Variants in KASH5 observed in about 807,000 individuals in gnomAD.
KASH5 encodes the protein protein KASH5.
In KASH5, 72 loss-of-function variants were observed where a neutral mutation model predicts 84.2. The observed-to-expected ratio is 0.85, with a 90% CI of 0.71 to 1.04. The LOEUF (loss-of-function observed/expected upper bound fraction) is 1.04, where lower values mean the gene tolerates loss of function less well. KASH5 is among the 50% of genes least tolerant of loss of function. The pLI, the probability that KASH5 is intolerant of heterozygous loss-of-function variation, is 0.00. For missense variants in KASH5, 650 were observed against 701.0 expected (o/e 0.93, Z 0.82); for synonymous variants, 260 against 279.1 (o/e 0.93, Z 0.68).
Position 49,395,657 on chromosome 19 carries a change from C to T in KASH5, c.336-112C>T. The T allele has an allele frequency of 1.9e-6, 2 of 1,073,532 alleles. No individual in the cohort carries two copies. The highest frequency in any genetic ancestry group is 2.7e-6 in the Non-Finnish European group (2 of 728,216). 66.5% of individuals were successfully genotyped at this position (1,073,532 alleles called of 1,614,324 possible). On this transcript the variant is annotated intron_variant, in intron 4 of 19. Coordinates refer to ENST00000447857, the MANE Select transcript of KASH5 (RefSeq NM_144688.5). The surrounding 1 kb of genome is among the most constrained non-coding windows in gnomAD (Gnocchi z 4.4). ...GCCTCACCCTCCTACCCTGTGGTGC[C>T]AGCTCTCACCTGACCCGGTCCCCTC...
rs1167512899 is a variant in KASH5 at position 49,398,022 on chromosome 19, G to C, written c.508G>C (p.Glu170Gln). The C allele has an allele frequency of 6.2e-7, 1 of 1,613,820 alleles. No individual in the cohort carries two copies. ...ADLLSSLEDLELSNRRLVGEN... is the reference protein window; with the variant it reads ...ADLLSSLEDLQLSNRRLVGEN... The stretch of plus-strand genomic sequence containing the variant: ...CCTGCTGAGCAGCCTGGAGGACCTG[G>C]AGCTCAGCAACCGACGTCTGGTTGG... Residue 170 changes from glutamate (E) to glutamine (Q), a missense_variant, in exon 7 of 20, where the codon GAG becomes CAG. By Grantham distance (29) the Glu-to-Gln change is conservative. Transcript: ENST00000447857.
In KASH5 at chr19:49,410,927, T is replaced by G. The variant is rs556855956; in HGVS notation, c.1269+1052T>G. The stretch of plus-strand genomic sequence containing the variant: ...CATGAGCCACTGCACCTGGCTTTTT[T>G]TTTTTTAATTAATTAATTTATTTTG... On this transcript the variant is annotated intron_variant, in intron 15 of 19. Coordinates refer to ENST00000447857, the MANE Select transcript of KASH5 (RefSeq NM_144688.5). 6.0e-5 allele frequency among the ~76,000 whole-genome samples: 9 copies of G among 150,118 alleles called. No individual in the cohort carries two copies. In the South Asian group the frequency reaches 1.1e-3, roughly 18 times the overall value.
In KASH5 at chr19:49,409,016, A is replaced by G; in HGVS notation, c.1043A>G (p.Tyr348Cys). ...CTGGAGGAGCAGCTGAGTCAGACCTATGAGGGGCCCGATGAGTGAGTGGAA... is the reference window on the plus strand; with the variant it reads ...CTGGAGGAGCAGCTGAGTCAGACCTGTGAGGGGCCCGATGAGTGAGTGGAA... The part of the protein sequence containing the change: ...SRLEEQLSQT[Y>C]EGPDELPEGA... The change falls in exon 13 of 20, where the codon TAT becomes TGT. Residue 348 changes from tyrosine to cysteine, a missense_variant. Transcript: ENST00000447857. 1 of 1,593,270 alleles carries G rather than the reference A, an allele frequency of 6.3e-7. No individual in the cohort carries two copies. Among genetic ancestry groups the G allele is most frequent in the Non-Finnish European group, 8.5e-7 (1 of 1,170,068 alleles).
chr19:49,409,089 C>T (rs1974627338), intron 13 of KASH5, 58 bp downstream of exon 13: 18 of 1,579,360 alleles, frequency 1.1e-5, no homozygotes, highest in Middle Eastern at 3.5e-4. Flanking sequence ...GGCAGGGACA[C>T]CCTGGCCTCC....
chr19:49,412,986 C>T lies in KASH5; in HGVS notation c.1288C>T (p.Pro430Ser), dbSNP rs1267116137. The change falls in exon 16 of 20, where the codon CCA becomes TCA. Residue 430 changes from proline (P) to serine (S), a missense_variant. Pro to Ser is a moderately conservative substitution (Grantham distance 74). Transcript: ENST00000447857. The surrounding 1 kb of genome is among the most constrained non-coding windows in gnomAD (Gnocchi z 4.6). ...TCCACAGAGAAACTTCCAGGGAGAG[C>T]CAGCGCACCCTGAAGAAGGAAGGAA... ...AGGQRNFQGE[P>S]AHPEEGRKEP... The T allele has an allele frequency of 1.2e-6, 2 of 1,613,548 alleles. No individual in the cohort carries two copies. The highest frequency in any genetic ancestry group is 1.1e-5 in the South Asian group (1 of 91,072).
intron 9 of KASH5, among the ~76,000 whole-genome samples, chr19:49,400,220 CCT>C (rs1260489380): frequency 4.1e-5 from 5 of 120,596 alleles, no homozygotes; most frequent in African/African-American, 1.6e-4. Context: ...AGAGCGAGAG[CCT>C]CTCAAAAAAA....
intron 2 of KASH5, among the ~76,000 whole-genome samples, chr19:49,394,173 A>G (rs888016863): frequency 6.6e-6 from 1 of 152,026 alleles, no homozygotes; most frequent in Non-Finnish European, 1.5e-5. Flanking sequence ...CCAGCCTGGG[A>G]GGCTGGAGAG....
chr19:49,417,601 C>G lies in KASH5; in HGVS notation c.*91C>G. On this transcript the variant is annotated 3_prime_UTR_variant, in exon 20 of 20. Transcript: ENST00000447857. This position sits in a 1 kb window ranked among gnomAD's most constrained non-coding sequence, Gnocchi z 5.2. ...GATCCCCATTGTTAGTCCACTGTTG[C>G]GCAGGCTTACCCTAGATAGAGTACA... is the stretch of plus-strand genomic sequence containing the variant. The G allele has an allele frequency of 1.4e-6, 2 of 1,417,446 alleles. No individual in the cohort carries two copies. Among genetic ancestry groups the G allele is most frequent in the South Asian group, 1.5e-5 (1 of 67,002 alleles). 87.8% of individuals were successfully genotyped at this position (1,417,446 alleles called of 1,614,324 possible). A position where few individuals can be genotyped will look rare whatever the true frequency, so the allele number is the denominator to read the frequency against.
rs757298524 is a variant in KASH5 at position 49,399,003 on chromosome 19, A to G, written c.630-22A>G. 1.9e-6 allele frequency: 3 copies of G among 1,538,668 alleles called. No homozygotes were observed. The highest frequency in any genetic ancestry group is 2.6e-6 in the Non-Finnish European group (3 of 1,135,840). On this transcript the variant is annotated intron_variant, in intron 7 of 19. Coordinates refer to ENST00000447857, the MANE Select transcript of KASH5 (RefSeq NM_144688.5). The surrounding 1 kb of genome is among the most constrained non-coding windows in gnomAD (Gnocchi z 4.4). ...TGCCTTCCTCCCTCTCGTATGGCTC[A>G]TCTGCCCCCACCCGCATTCAGCACC...
At chr19:49,405,388 C>T (rs1047538578) in intron 9 of KASH5, among the ~76,000 whole-genome samples, 1 of 146,774 alleles carries the variant, frequency 6.8e-6, no homozygotes, top group Non-Finnish European at 1.5e-5. Context: ...ACCTGGAAGG[C>T]GGAGGTTGCA....
rs369003961 is a variant in KASH5 at position 49,406,903 on chromosome 19, C to T, written c.816C>T (p.Ala272=). 3.6e-5 allele frequency: 58 copies of T among 1,606,402 alleles called. No individual in the cohort carries two copies. The African/African-American group carries it at 4.5e-4, about 13-fold the overall frequency. Residue 272 remains alanine (A), a synonymous_variant, in exon 10 of 20, where the codon GCC becomes GCT. Transcript: ENST00000447857. ...TCTTCTAGAACGGGAAGCTGCTTGC[C>T]GAGCGGGATGGAGTGAAAAAGAGAA... is the stretch of plus-strand genomic sequence containing the variant. ...TLQEENGKLL[A]ERDGVKKRSQ...
At chr19:49,400,225 C>CCAAA (rs1974317784) in intron 9 of KASH5, among the ~76,000 whole-genome samples, 1 of 81,284 alleles carries the variant, frequency 1.2e-5, no homozygotes, top group East Asian at 3.4e-4. Flanking sequence ...GAGAGCCTCT[C>CCAAA]AAAAAAAAAA....
chr19:49,410,051 C>G (rs1214390674), intron 15 of KASH5, among the ~76,000 whole-genome samples, 176 bp downstream of exon 15: 1 of 152,216 alleles, frequency 6.6e-6, no homozygotes, highest in East Asian at 1.9e-4. Flanking sequence ...CAGACACCAC[C>G]CCTACCCCAG....
At chr19:49,411,906 GGGAGGGAAGGAGGGAAGGAA>G (rs1974721732) in intron 15 of KASH5, among the ~76,000 whole-genome samples, 1 of 135,768 alleles carries the variant, frequency 7.4e-6, no homozygotes, top group Non-Finnish European at 1.6e-5. Flanking sequence ...GAAGGAGGGA[GGGAGGGAAGGAGGGAAGGAA>G]GGAAGGAAGG....
intron 11 of KASH5, 60 bp downstream of exon 11, chr19:49,407,356 C>A: frequency 6.4e-7 from 1 of 1,565,942 alleles, no homozygotes; most frequent in Non-Finnish European, 8.8e-7. Context: ...ACTTCCTGCC[C>A]CTGGTCTAGA....
rs1323428312 is a variant in KASH5 at position 49,395,033 on chromosome 19, C to T, written c.149-73C>T. ...CCAGCCTAGCCAGTGACATCCTGGT[C>T]CCAAGCTGCTGCCAGTCCATACCCA... On this transcript the variant is annotated intron_variant, in intron 3 of 19. Transcript: ENST00000447857. This position sits in a 1 kb window ranked among gnomAD's most constrained non-coding sequence, Gnocchi z 4.4. 2.4e-6 allele frequency: 3 copies of T among 1,233,338 alleles called. No homozygotes were observed. In the Admixed American group the frequency reaches 8.0e-5, roughly 33 times the overall value. The allele number at this position is 1,233,338 out of a possible 1,614,324, so 76.4% of individuals were successfully genotyped here.
At chr19:49,409,376 A>T in intron 14 of KASH5, 93 bp downstream of exon 14, 3 of 1,312,808 alleles carry the variant, frequency 2.3e-6, no homozygotes, top group Non-Finnish European at 3.2e-6. Context: ...CCTAGCCCTA[A>T]CCCACATTGC....
Position 49,397,569 on chromosome 19 carries a change from G to A in KASH5, c.401-82G>A, listed in dbSNP as rs1377550050. ...AGCACAGGTGAGGGTGGAGGCAGATGGAGTCCAACCTCAGAGCCCTGGGGC... is the reference window on the plus strand; with the variant it reads ...AGCACAGGTGAGGGTGGAGGCAGATAGAGTCCAACCTCAGAGCCCTGGGGC... On this transcript the variant is annotated intron_variant, in intron 5 of 19. Coordinates refer to ENST00000447857, the MANE Select transcript of KASH5 (RefSeq NM_144688.5). 3 of 1,246,706 alleles carry A rather than the reference G, an allele frequency of 2.4e-6. No homozygotes were observed. In the African/African-American group the frequency reaches 4.4e-5, roughly 18 times the overall value. 77.2% of individuals were successfully genotyped at this position (1,246,706 alleles called of 1,614,324 possible).
chr19:49,391,945 T>A (rs1974016792), intron 2 of KASH5, among the ~76,000 whole-genome samples: 2 of 148,806 alleles, frequency 1.3e-5, no homozygotes, highest in African/African-American at 5.1e-5. Flanking sequence ...TGCGTCTTTT[T>A]CTACAAAGCC....
Sources: gnomAD v4.1 joint callset for allele counts (sites outside exome capture counted in the v4.1 genomes callset) on GRCh38, gnomAD v4.1.1 for gene constraint, Gnocchi (gnomAD v3.1) non-coding constraint, MANE v1.5 for transcripts, NCBI Gene and HGNC (gene_info 2026-07-23, HGNC 2026-07-21) for gene names.